Variants in WDR70 observed in about 807,000 individuals in gnomAD.
WDR70 encodes WD repeat-containing protein 70.
WDR70 carries 53 observed loss-of-function variants against 88.6 expected under a neutral mutation model. That is an observed-to-expected ratio of 0.60 (90% CI 0.48 to 0.75). The LOEUF is 0.75. Ranked by LOEUF, WDR70 falls within the 30% of genes least tolerant of loss-of-function variation. The pLI is 0.00. For missense variants in WDR70, 610 were observed against 823.2 expected, an observed-to-expected ratio of 0.74 and a Z score of 3.17; for synonymous variants, 280 against 270.0, an observed-to-expected ratio of 1.04 and a Z score of -0.36.
intron 10 of WDR70, among the ~76,000 whole-genome samples, chr5:37,609,080 A>T (rs1055770983): frequency 2.6e-5 from 4 of 152,250 alleles, no homozygotes; most frequent in Non-Finnish European, 5.9e-5. Context: ...TTTAAAGAAT[A>T]GTAGCATAAA....
intron 9 of WDR70, among the ~76,000 whole-genome samples, chr5:37,539,636 T>G (rs1230362085): frequency 6.6e-6 from 1 of 152,224 alleles, no homozygotes. Context: ...TAGAGGAACT[T>G]AAGACTTGCA....
intron 8 of WDR70, among the ~76,000 whole-genome samples, chr5:37,515,181 A>G (rs894921639): frequency 2.6e-5 from 4 of 152,336 alleles, no homozygotes; most frequent in Admixed American, 6.5e-5. Context: ...AATAGAATGT[A>G]TTTTGGATAG....
chr5:37,432,947 A>C (rs1274912431), intron 5 of WDR70, among the ~76,000 whole-genome samples: 1 of 152,068 alleles, frequency 6.6e-6, no homozygotes, highest in East Asian at 1.9e-4. Flanking sequence ...CTGGATTTTA[A>C]TCCCTTATAT....
intron 4 of WDR70, among the ~76,000 whole-genome samples, chr5:37,392,558 A>T (rs1356644707): frequency 6.6e-6 from 1 of 152,178 alleles, no homozygotes; most frequent in African/African-American, 2.4e-5. Context: ...CATGTTGGCC[A>T]GGCTGGTCTC....
intron 7 of WDR70, among the ~76,000 whole-genome samples, chr5:37,447,795 G>C (rs151023759): frequency 1.3e-5 from 2 of 152,176 alleles, no homozygotes; most frequent in Non-Finnish European, 2.9e-5. Context: ...CATGGGATGC[G>C]GGGAGGAGGG....
At chr5:37,716,963 T>C (rs943372889) in intron 13 of WDR70, among the ~76,000 whole-genome samples, 2 of 152,152 alleles carry the variant, frequency 1.3e-5, no homozygotes, top group African/African-American at 4.8e-5. Context: ...TCTTTTTTCT[T>C]TGGTCTCTGC....
At chr5:37,600,702 A>G (rs981171590) in intron 9 of WDR70, among the ~76,000 whole-genome samples, 9 of 152,180 alleles carry the variant, frequency 5.9e-5, no homozygotes, top group African/African-American at 1.9e-4. Context: ...AAAAATCACA[A>G]TGGCATTTTT....
At chr5:37,534,465 T>A (rs1483643276) in intron 9 of WDR70, among the ~76,000 whole-genome samples, 5 of 151,720 alleles carry the variant, frequency 3.3e-5, no homozygotes, top group Non-Finnish European at 4.4e-5. Context: ...TGAAAATGCA[T>A]ATCAGTTTTT....
intron 10 of WDR70, among the ~76,000 whole-genome samples, chr5:37,653,143 G>T (rs1262250880): frequency 6.6e-6 from 1 of 152,136 alleles, no homozygotes; most frequent in African/African-American, 2.4e-5. Flanking sequence ...AGAGTTTTTA[G>T]CATGAAAGGG....
At chr5:37,465,868 G>A (rs934575108) in intron 7 of WDR70, among the ~76,000 whole-genome samples, 1 of 151,428 alleles carries the variant, frequency 6.6e-6, no homozygotes, top group Non-Finnish European at 1.5e-5. Context: ...TTATATTTGG[G>A]ATTTTGATTA....
At chr5:37,422,086 G>A (rs922068874) in intron 5 of WDR70, among the ~76,000 whole-genome samples, 1 of 151,946 alleles carries the variant, frequency 6.6e-6, no homozygotes, top group Non-Finnish European at 1.5e-5. Context: ...AATACTGAGG[G>A]TAAAGGATAA....
At chr5:37,482,351 T>A (rs1739699645) in intron 8 of WDR70, among the ~76,000 whole-genome samples, 1 of 152,158 alleles carries the variant, frequency 6.6e-6, no homozygotes, top group Non-Finnish European at 1.5e-5. Context: ...TTGAATTGAC[T>A]CACAGTTCTG....
At chr5:37,687,864 A>T (rs751589164) in intron 10 of WDR70, 1 of 634,890 alleles carries the variant, frequency 1.6e-6, no homozygotes, top group South Asian at 1.8e-5. Flanking sequence ...AGGAAGACCA[A>T]TTTAGGGAGC....
intron 9 of WDR70, among the ~76,000 whole-genome samples, chr5:37,536,869 A>T (rs945710966): frequency 2.0e-5 from 3 of 152,000 alleles, no homozygotes; most frequent in African/African-American, 7.2e-5. Flanking sequence ...GAGGACTTTT[A>T]AATTCTTTTT....
At chr5:37,672,143 GCCATTCT>G (rs1746043437) in intron 10 of WDR70, among the ~76,000 whole-genome samples, 1 of 152,086 alleles carries the variant, frequency 6.6e-6, no homozygotes, top group Non-Finnish European at 1.5e-5. Context: ...AAAAGTCATT[GCCATTCT>G]CCATTCTCAA....
chr5:37,595,514 C>T (rs955291076), intron 9 of WDR70, among the ~76,000 whole-genome samples: 1 of 152,080 alleles, frequency 6.6e-6, no homozygotes, highest in African/African-American at 2.4e-5. Context: ...TTCAGTTCTT[C>T]CCAAATTCAT....
intron 9 of WDR70, among the ~76,000 whole-genome samples, chr5:37,553,201 G>A (rs1208224625): frequency 6.6e-6 from 1 of 152,184 alleles, no homozygotes; most frequent in South Asian, 2.1e-4. Flanking sequence ...GTTGTGATCC[G>A]GGAGCTTTAT....
At chr5:37,629,276 C>A (rs1744750041) in intron 10 of WDR70, among the ~76,000 whole-genome samples, 1 of 152,174 alleles carries the variant, frequency 6.6e-6, no homozygotes, top group Non-Finnish European at 1.5e-5. Context: ...TGGGTTGAAT[C>A]TGTTTGGGGT....
chr5:37,663,188 G>A (rs1179868044), intron 10 of WDR70, among the ~76,000 whole-genome samples: 2 of 152,164 alleles, frequency 1.3e-5, no homozygotes, highest in Non-Finnish European at 2.9e-5. Flanking sequence ...AGGGAAAATG[G>A]TTTTAGTTTT....
Sources: allele counts gnomAD v4.1 joint callset (sites outside exome capture counted in the v4.1 genomes callset), GRCh38; gene constraint gnomAD v4.1.1; transcripts MANE v1.5; gene names NCBI Gene and HGNC (gene_info 2026-07-23, HGNC 2026-07-21).